Variants in RBMS3 observed in about 807,000 individuals in gnomAD.
RBMS3 encodes the protein RNA binding motif single stranded interacting protein 3, also known as RNA-binding motif, single-stranded-interacting protein 3.
Under a neutral mutation model 66.8 loss-of-function variants are expected in RBMS3, and 27 were observed. The ratio of observed to expected loss-of-function variants is 0.40; its 90% CI spans 0.30 to 0.56. RBMS3 has a LOEUF of 0.56. Ranked by LOEUF, RBMS3 falls within the 20% of genes least tolerant of loss-of-function variation. RBMS3 has a pLI of 0.40. For synonymous variants in RBMS3, 188 were observed against 183.0 expected, an observed-to-expected ratio of 1.03 and a Z score of -0.22; for missense variants, 513 against 549.5, an observed-to-expected ratio of 0.93 and a Z score of 0.66.
intron 6 of RBMS3, among the ~76,000 whole-genome samples, chr3:29,839,747 C>A (rs953072423): frequency 6.6e-6 from 1 of 151,694 alleles, no homozygotes; most frequent in African/African-American, 2.4e-5. Context: ...TTGGTCTCAG[C>A]AGTAGAGATA....
At chr3:29,483,574 C>T (rs57624591) in intron 2 of RBMS3, among the ~76,000 whole-genome samples, 14,448 of 152,050 alleles carry the variant, frequency 0.095, 843 homozygotes, top group East Asian at 0.16. Context: ...GGTTCTGCTG[C>T]CCGTTAAACA....
At chr3:29,421,354 G>GA (rs199675245) in intron 1 of RBMS3, among the ~76,000 whole-genome samples, 5,002 of 152,042 alleles carry the variant, frequency 0.033, 127 homozygotes, top group Non-Finnish European at 0.048. Context: ...TAATTAAACT[G>GA]AAAAAAACAA....
chr3:29,328,286 G>A (rs4552314), intron 1 of RBMS3, among the ~76,000 whole-genome samples: 79,868 of 151,984 alleles, frequency 0.53, 21,808 homozygotes, highest in East Asian at 0.79. Context: ...TTTAAATACT[G>A]AAATGAAAAG....
chr3:29,298,290 A>G (rs1374322500), intron 1 of RBMS3, among the ~76,000 whole-genome samples: 1 of 151,900 alleles, frequency 6.6e-6, no homozygotes, highest in Non-Finnish European at 1.5e-5. Context: ...CTTTTGGTAT[A>G]TCCTATTAGC....
intron 10 of RBMS3, among the ~76,000 whole-genome samples, chr3:29,928,201 T>TACACACAC (rs1227395276): frequency 5.5e-5 from 6 of 109,046 alleles, no homozygotes; most frequent in African/African-American, 2.0e-4. Context: ...TATATATATA[T>TACACACAC]ATATATATAT....
rs1311595344 is a variant in RBMS3, at chr3:29,853,419, C to CTTTCT, written c.638-15435_638-15431dup. ...ATATTGTATCTTAAGCTACAATTTA[C>CTTTCT]TTTCTTTTTTTTTTTTTTTTTTTTT... On this transcript the variant is annotated intron_variant, in intron 6 of 14. Coordinates refer to ENST00000383767, the MANE Select transcript of RBMS3 (RefSeq NM_001003793.3). 5.7e-4 allele frequency among the ~76,000 whole-genome samples: 50 copies of CTTTCT among 87,448 alleles called. 1 individual carries two copies. The highest frequency in any genetic ancestry group is 2.9e-3 in the East Asian group (10 of 3,412). The allele number at this position is 87,448 out of a possible 152,430, so 57.4% of individuals were successfully genotyped here.
At chr3:29,793,958 T>A (rs1310536157) in intron 6 of RBMS3, among the ~76,000 whole-genome samples, 2 of 152,168 alleles carry the variant, frequency 1.3e-5, no homozygotes, top group African/African-American at 4.8e-5. Context: ...TAAGTTGGCA[T>A]AAATCTGGTT....
At chr3:29,814,648 A>T (rs1363958651) in intron 6 of RBMS3, among the ~76,000 whole-genome samples, 1 of 152,146 alleles carries the variant, frequency 6.6e-6, no homozygotes, top group Non-Finnish European at 1.5e-5. Flanking sequence ...GATTATTGCC[A>T]CAATTTCAGC....
At chr3:29,607,439 A>T (rs918816154) in intron 4 of RBMS3, among the ~76,000 whole-genome samples, 1 of 151,864 alleles carries the variant, frequency 6.6e-6, no homozygotes, top group Non-Finnish European at 1.5e-5. Flanking sequence ...GGGGCAAACA[A>T]GTTCTGTGCC....
At chr3:29,506,615 C>T (rs972963539) in intron 3 of RBMS3, among the ~76,000 whole-genome samples, 6 of 151,914 alleles carry the variant, frequency 3.9e-5, no homozygotes, top group Admixed American at 3.9e-4. Context: ...AAAGTATTCC[C>T]TCTGCTGCAA....
intron 6 of RBMS3, among the ~76,000 whole-genome samples, chr3:29,865,290 C>T (rs2059333029): frequency 6.6e-6 from 1 of 152,026 alleles, no homozygotes; most frequent in African/African-American, 2.4e-5. Flanking sequence ...ATACTCTAGA[C>T]TATTAGAACC....
intron 1 of RBMS3, among the ~76,000 whole-genome samples, chr3:29,314,597 C>A (rs1219458539): frequency 6.6e-6 from 1 of 151,440 alleles, no homozygotes; most frequent in Non-Finnish European, 1.5e-5. Context: ...ATTACAAGTA[C>A]CCTGCATTTC....
chr3:29,938,577 G>A (rs1369515451), intron 11 of RBMS3, among the ~76,000 whole-genome samples: 1 of 151,910 alleles, frequency 6.6e-6, no homozygotes, highest in African/African-American at 2.4e-5. Flanking sequence ...TTGTTATATT[G>A]TTTTCTTAGA....
At chr3:29,362,284 C>T (rs2037645555) in intron 1 of RBMS3, among the ~76,000 whole-genome samples, 1 of 152,176 alleles carries the variant, frequency 6.6e-6, no homozygotes, top group Admixed American at 6.5e-5. Context: ...CCCTCAGCTG[C>T]AGGTCTGTTG....
intron 12 of RBMS3, among the ~76,000 whole-genome samples, chr3:29,972,572 A>T (rs1412003271): frequency 6.6e-6 from 1 of 151,858 alleles, no homozygotes; most frequent in African/African-American, 2.4e-5. Context: ...TTGACTAAAA[A>T]AACAGATTAA....
At chr3:29,630,380 A>C (rs2049239428) in intron 4 of RBMS3, among the ~76,000 whole-genome samples, 1 of 152,182 alleles carries the variant, frequency 6.6e-6, no homozygotes, top group Non-Finnish European at 1.5e-5. Context: ...ATTGTGTTAT[A>C]GATTTCTATT....
chr3:29,969,265 A>G (rs1697068874), intron 12 of RBMS3, among the ~76,000 whole-genome samples: 1 of 152,140 alleles, frequency 6.6e-6, no homozygotes, highest in Non-Finnish European at 1.5e-5. Flanking sequence ...AATGTTGTGT[A>G]TTTCTTTTTA....
At chr3:29,526,839 C>G (rs1246296563) in intron 3 of RBMS3, among the ~76,000 whole-genome samples, 2 of 151,946 alleles carry the variant, frequency 1.3e-5, no homozygotes, top group African/African-American at 2.4e-5. Flanking sequence ...CTTTCTCTTT[C>G]TCTCTCATGT....
At chr3:29,955,096 A>G (rs1376912913) in intron 12 of RBMS3, among the ~76,000 whole-genome samples, 5 of 152,012 alleles carry the variant, frequency 3.3e-5, no homozygotes, top group Admixed American at 2.6e-4. Flanking sequence ...ATTGTTCTAC[A>G]AGGAGGCAGG....
Sources: gnomAD v4.1 joint callset for allele counts (sites outside exome capture counted in the v4.1 genomes callset) on GRCh38, gnomAD v4.1.1 for gene constraint, MANE v1.5 for transcripts, NCBI Gene and HGNC (gene_info 2026-07-23, HGNC 2026-07-21) for gene names.